The following TMEM200A variants were observed in gnomAD, a reference collection of about 807,000 sequenced individuals.
The protein encoded by TMEM200A is transmembrane protein 200A, also known as two transmembrane C.
Under a neutral mutation model 24.3 loss-of-function variants are expected in TMEM200A, and 12 were observed. The ratio of observed to expected loss-of-function variants is 0.49; its 90% confidence interval spans 0.32 to 0.80. The LOEUF (loss-of-function observed/expected upper bound fraction) is 0.80. TMEM200A is among the 30% of genes least tolerant of loss of function. The pLI is 0.04. For missense variants in TMEM200A, 545 were observed against 614.4 expected, an observed-to-expected ratio of 0.89 and a Z score of 1.19; for synonymous variants, 224 against 224.4, an observed-to-expected ratio of 1.00 and a Z score of 0.02.
intron 2 of TMEM200A, among the ~76,000 whole-genome samples, chr6:130,388,559 A>G (rs1778765234): frequency 6.6e-6 from 1 of 152,186 alleles, no homozygotes; most frequent in Non-Finnish European, 1.5e-5. Flanking sequence ...ATCTAAATTC[A>G]TATATCCTTA....
chr6:130,436,220 A>G (rs910086197), intron 2 of TMEM200A, among the ~76,000 whole-genome samples: 5 of 152,192 alleles, frequency 3.3e-5, no homozygotes, highest in Admixed American at 6.5e-5. Context: ...CCTGAAAAAT[A>G]GATATTACAA....
At chr6:130,427,115 C>G (rs923496269) in intron 2 of TMEM200A, among the ~76,000 whole-genome samples, 2 of 152,154 alleles carry the variant, frequency 1.3e-5, no homozygotes, top group Non-Finnish European at 2.9e-5. Flanking sequence ...CTAATATGTA[C>G]CAGACTGGTT....
chr6:130,409,921 T>C (rs767054122), intron 2 of TMEM200A, among the ~76,000 whole-genome samples: 2 of 152,056 alleles, frequency 1.3e-5, no homozygotes, highest in African/African-American at 2.4e-5. Context: ...TCTTTAAATA[T>C]CAGAAAAGTA....
At chr6:130,430,554 G>T (rs536302630) in intron 2 of TMEM200A, among the ~76,000 whole-genome samples, 2 of 152,126 alleles carry the variant, frequency 1.3e-5, no homozygotes, top group Non-Finnish European at 2.9e-5. Context: ...AGAAATAGTC[G>T]CAGCCTTCTC....
chr6:130,403,323 T>C (rs1583200160), intron 2 of TMEM200A, among the ~76,000 whole-genome samples: 1 of 152,274 alleles, frequency 6.6e-6, no homozygotes, highest in Non-Finnish European at 1.5e-5. Context: ...TCTATGACCA[T>C]AGAAGATAGC....
At chr6:130,427,538 A>AAGC (rs10694970) in intron 2 of TMEM200A, among the ~76,000 whole-genome samples, 1 of 151,454 alleles carries the variant, frequency 6.6e-6, no homozygotes, top group African/African-American at 2.4e-5. Flanking sequence ...AATCTTTTGA[A>AAGC]AGAATTCATA....
At chr6:130,395,437 G>A (rs1221483615) in intron 2 of TMEM200A, among the ~76,000 whole-genome samples, 1 of 152,190 alleles carries the variant, frequency 6.6e-6, no homozygotes, top group African/African-American at 2.4e-5. Flanking sequence ...GCAGATTTGT[G>A]AAGTCATGCT....
At chr6:130,407,413 T>G (rs570535774) in intron 2 of TMEM200A, among the ~76,000 whole-genome samples, 166 of 152,342 alleles carry the variant, frequency 1.1e-3, no homozygotes, top group Non-Finnish European at 1.4e-3. Context: ...AGTAGGATTG[T>G]TAATGGTCGG....
At chr6:130,419,497 C>T (rs1779530994) in intron 2 of TMEM200A, among the ~76,000 whole-genome samples, 1 of 152,134 alleles carries the variant, frequency 6.6e-6, no homozygotes. Context: ...AATGTCCATA[C>T]TGTTTCGCAT....
intron 2 of TMEM200A, among the ~76,000 whole-genome samples, chr6:130,410,485 A>C (rs757244448): frequency 6.6e-6 from 1 of 152,206 alleles, no homozygotes; most frequent in Non-Finnish European, 1.5e-5. Flanking sequence ...AAATGGAAAA[A>C]GAACCATGTA....
chr6:130,395,343 C>A (rs1310737770), intron 2 of TMEM200A, among the ~76,000 whole-genome samples: 2 of 152,170 alleles, frequency 1.3e-5, no homozygotes, highest in Non-Finnish European at 2.9e-5. Flanking sequence ...CAAAATCAAT[C>A]TGTAATTTTG....
At position 130,366,380 on chromosome 6, in the gene TMEM200A, C is replaced by T; in HGVS notation, c.-225C>T. On this transcript the variant is annotated 5_prime_UTR_variant, in exon 1 of 3. Transcript: ENST00000296978. This position sits in a 1 kb window ranked among gnomAD's most constrained non-coding sequence, Gnocchi z 4.4. ...GGGAGACCGCGGCTGCCCGCGGCGG[C>T]CGAGATTCCCGCTGACGCCCCCGAC... 1.0e-6 allele frequency: 1 copy of T among 985,394 alleles called. No homozygotes were observed. The highest frequency in any genetic ancestry group is 5.2e-4 in the Middle Eastern group (1 of 1,914). The allele number at this position is 985,394 out of a possible 1,614,324, so 61.0% of individuals were successfully genotyped here. A position where few individuals can be genotyped will look rare whatever the true frequency, so the allele number is the denominator to read the frequency against.
intron 1 of TMEM200A, chr6:130,383,005 G>C: frequency 1.0e-6 from 1 of 984,722 alleles, no homozygotes; most frequent in Non-Finnish European, 1.2e-6. Context: ...TCACCCAAGG[G>C]GCTGTGTGAG....
At chr6:130,376,480 A>G (rs563524090) in intron 1 of TMEM200A, among the ~76,000 whole-genome samples, 47 of 152,190 alleles carry the variant, frequency 3.1e-4, no homozygotes, top group African/African-American at 1.1e-3. Flanking sequence ...ATGAGGTTTC[A>G]CCATGTTGGC....
intron 2 of TMEM200A, among the ~76,000 whole-genome samples, chr6:130,434,972 G>C (rs760480298): frequency 7.9e-5 from 12 of 151,876 alleles, no homozygotes; most frequent in Non-Finnish European, 1.5e-4. Flanking sequence ...AGTAAAAGAA[G>C]GTGTGTTTTG....
At chr6:130,398,000 G>C (rs1312326795) in intron 2 of TMEM200A, among the ~76,000 whole-genome samples, 2 of 151,636 alleles carry the variant, frequency 1.3e-5, no homozygotes, top group East Asian at 1.9e-4. Flanking sequence ...AGGTTCGGGG[G>C]TACATTTGTA....
At chr6:130,409,840 GT>G (rs60589180) in intron 2 of TMEM200A, among the ~76,000 whole-genome samples, 4,851 of 144,738 alleles carry the variant, frequency 0.034, 99 homozygotes, top group African/African-American at 0.061. Flanking sequence ...CTGTCTCTCA[GT>G]TTTTTTTTTT....
intron 1 of TMEM200A, chr6:130,381,833 G>A (rs1321220218): frequency 2.4e-6 from 2 of 836,096 alleles, no homozygotes; most frequent in South Asian, 5.5e-5. Flanking sequence ...AGTTCCACAG[G>A]TTATCTAGTA....
chr6:130,432,877 C>A (rs1779911257), intron 2 of TMEM200A, among the ~76,000 whole-genome samples: 1 of 152,130 alleles, frequency 6.6e-6, no homozygotes, highest in Non-Finnish European at 1.5e-5. Flanking sequence ...GGAACTGGGG[C>A]TCCAAGAGGT....
Sources: gnomAD v4.1 joint callset for allele counts (sites outside exome capture counted in the v4.1 genomes callset) on GRCh38, gnomAD v4.1.1 for gene constraint, Gnocchi (gnomAD v3.1) non-coding constraint, MANE v1.5 for transcripts, NCBI Gene and HGNC (gene_info 2026-07-23, HGNC 2026-07-21) for gene names.